Variants in MTUS2 observed in about 807,000 individuals in gnomAD.
MTUS2 encodes the protein microtubule associated scaffold protein 2.
In MTUS2, 40 loss-of-function variants were observed where a neutral mutation model predicts 114.1. The observed-to-expected ratio is 0.35, with a 90% CI of 0.27 to 0.46. The LOEUF is 0.46. MTUS2 is among the 20% of genes least tolerant of loss of function. MTUS2 has a pLI of 1.00. For missense variants in MTUS2, 1,679 were observed against 1,705.4 expected (o/e 0.98, Z 0.27); for synonymous variants, 688 against 672.0 (o/e 1.02, Z -0.37).
At chr13:29,006,695 T>G (rs1334476782) in intron 2 of MTUS2, among the ~76,000 whole-genome samples, 2 of 152,184 alleles carry the variant, frequency 1.3e-5, no homozygotes, top group African/African-American at 4.8e-5. Flanking sequence ...TTTGTTTGTT[T>G]TTGTATCTCT....
chr13:29,359,204 C>T, intron 7 of MTUS2, 58 bp from the exon 8 acceptor site: 1 of 1,444,146 alleles, frequency 6.9e-7, no homozygotes, highest in Non-Finnish European at 9.3e-7. Flanking sequence ...AAGCCGTTGT[C>T]ACATGTGTAC....
intron 8 of MTUS2, among the ~76,000 whole-genome samples, chr13:29,385,230 T>G (rs1872555143): frequency 6.6e-6 from 1 of 152,160 alleles, no homozygotes; most frequent in Non-Finnish European, 1.5e-5. Context: ...TCTTTTATGG[T>G]CCAACCAGAA....
intron 5 of MTUS2, among the ~76,000 whole-genome samples, chr13:29,196,209 A>G (rs576694280): frequency 1.3e-5 from 2 of 150,622 alleles, no homozygotes; most frequent in South Asian, 4.2e-4. Flanking sequence ...CAATTCTCCT[A>G]CCTCAGCCTC....
At chr13:29,498,135 A>G (rs1273219365) in intron 13 of MTUS2, among the ~76,000 whole-genome samples, 1 of 152,202 alleles carries the variant, frequency 6.6e-6, no homozygotes, top group African/African-American at 2.4e-5. Context: ...CCTGCTGGGC[A>G]CAGGCTGGCA....
intron 4 of MTUS2, among the ~76,000 whole-genome samples, chr13:29,049,498 G>C (rs1487845271): frequency 1.3e-5 from 2 of 152,200 alleles, no homozygotes; most frequent in Non-Finnish European, 2.9e-5. Context: ...GCTAGAGACT[G>C]GCCATTAAAG....
chr13:28,944,127 G>A (rs529748557), intron 2 of MTUS2, among the ~76,000 whole-genome samples: 4 of 151,270 alleles, frequency 2.6e-5, no homozygotes, highest in Admixed American at 6.6e-5. Context: ...ATATTTTGGG[G>A]GTACATGGGA....
chr13:29,314,042 TA>T (rs923933333), intron 6 of MTUS2, among the ~76,000 whole-genome samples: 13 of 150,830 alleles, frequency 8.6e-5, no homozygotes, highest in South Asian at 4.2e-4. Flanking sequence ...TTCAGGAACT[TA>T]AAAAAAAATG....
At chr13:28,938,657 C>G (rs1396625512) in intron 2 of MTUS2, among the ~76,000 whole-genome samples, 3 of 151,998 alleles carry the variant, frequency 2.0e-5, no homozygotes, top group Non-Finnish European at 4.4e-5. Context: ...TGTATGGGAT[C>G]TTTTAGTTTT....
At chr13:28,882,953 A>G (rs1378308351) in intron 2 of MTUS2, among the ~76,000 whole-genome samples, 2 of 152,200 alleles carry the variant, frequency 1.3e-5, no homozygotes, top group Admixed American at 6.5e-5. Context: ...AAAACTCAGT[A>G]ATAAAACAAT....
intron 8 of MTUS2, among the ~76,000 whole-genome samples, chr13:29,370,211 A>T (rs1184127396): frequency 2.0e-5 from 3 of 152,102 alleles, no homozygotes; most frequent in East Asian, 1.9e-4. Context: ...ATGGTTTTTT[A>T]AAAAACGTGC....
At chr13:29,323,154 G>T (rs1900323122) in intron 6 of MTUS2, among the ~76,000 whole-genome samples, 1 of 152,160 alleles carries the variant, frequency 6.6e-6, no homozygotes, top group South Asian at 2.1e-4. Context: ...GAAACAAGTA[G>T]AAGCTATTTC....
chr13:29,025,218 A>G lies in MTUS2; in HGVS notation c.520A>G (p.Arg174Gly). ...AKTLDNEELR[R>G]HSLERASSSV... ...GACCCTTGACAATGAGGAACTGAGG[A>G]GGCATTCTTTGGAAAGAGCAAGCAG... The change falls in exon 3 of 16, where the codon AGG becomes GGG. Residue 174 changes from arginine (R) to glycine (G), a missense_variant. Arg to Gly is a moderately radical substitution (Grantham distance 125). Coordinates refer to ENST00000612955, the MANE Select transcript of MTUS2 (RefSeq NM_001033602.4). The G allele has an allele frequency of 6.2e-7, 1 of 1,613,970 alleles. No individual in the cohort carries two copies. The highest frequency in any genetic ancestry group is 8.5e-7 in the Non-Finnish European group (1 of 1,179,880).
intron 2 of MTUS2, among the ~76,000 whole-genome samples, chr13:29,013,434 G>A (rs572953150): frequency 1.3e-5 from 2 of 152,130 alleles, no homozygotes; most frequent in South Asian, 2.1e-4. Flanking sequence ...AACAGATAAC[G>A]CTCAGTTTTT....
chr13:29,461,314 C>T (rs1163098822), intron 9 of MTUS2, among the ~76,000 whole-genome samples: 1 of 152,162 alleles, frequency 6.6e-6, no homozygotes, highest in Non-Finnish European at 1.5e-5. Context: ...GAGTCAATAG[C>T]CCCTTAAAGG....
At chr13:29,479,773 G>A (rs925680865) in intron 9 of MTUS2, among the ~76,000 whole-genome samples, 5 of 152,204 alleles carry the variant, frequency 3.3e-5, no homozygotes, top group African/African-American at 4.8e-5. Context: ...CACCCAGGGC[G>A]TATTTCAGAG....
chr13:28,918,282 T>G (rs1288253773), intron 2 of MTUS2, among the ~76,000 whole-genome samples: 1 of 151,986 alleles, frequency 6.6e-6, no homozygotes. Flanking sequence ...TATTGAAGTC[T>G]CCAACTATTA....
At chr13:29,049,738 A>T (rs145751262) in intron 4 of MTUS2, among the ~76,000 whole-genome samples, 3 of 152,334 alleles carry the variant, frequency 2.0e-5, no homozygotes, top group Non-Finnish European at 4.4e-5. Flanking sequence ...GAGTAGATGC[A>T]CAGGAGGCAG....
chr13:29,384,281 T>C (rs999269739), intron 8 of MTUS2, among the ~76,000 whole-genome samples: 2 of 152,220 alleles, frequency 1.3e-5, no homozygotes, highest in African/African-American at 4.8e-5. Context: ...CCCGTGTCCA[T>C]TAGATTTCTG....
intron 5 of MTUS2, among the ~76,000 whole-genome samples, chr13:29,184,759 A>G (rs1037803213): frequency 4.6e-5 from 7 of 152,210 alleles, no homozygotes; most frequent in African/African-American, 1.4e-4. Flanking sequence ...CGGACGACAA[A>G]CAGCAACAAC....
Sources: allele counts gnomAD v4.1 joint callset (sites outside exome capture counted in the v4.1 genomes callset), GRCh38; gene constraint gnomAD v4.1.1; transcripts MANE v1.5; gene names NCBI Gene and HGNC (gene_info 2026-07-23, HGNC 2026-07-21).